The following DAPK2 variants were observed in gnomAD, a reference collection of about 807,000 sequenced individuals.
The protein encoded by DAPK2 is death-associated protein kinase 2.
Under a neutral mutation model 44.1 loss-of-function variants are expected in DAPK2, and 35 were observed. That is an observed-to-expected ratio of 0.79 (90% confidence interval 0.61 to 1.05). The LOEUF is 1.05. DAPK2 is among the 50% of genes least tolerant of loss of function. DAPK2 has a pLI of 0.00. For synonymous variants in DAPK2, 174 were observed against 182.6 expected (o/e 0.95, Z 0.38); for missense variants, 453 against 483.2 (o/e 0.94, Z 0.59).
chr15:64,032,768 T>C (rs534063032), intron 1 of DAPK2, among the ~76,000 whole-genome samples: 2 of 151,800 alleles, frequency 1.3e-5, no homozygotes, highest in East Asian at 1.9e-4. Flanking sequence ...CTGGGTAACA[T>C]GGCGAAACCC....
chr15:63,996,047 G>A (rs2078942747), intron 1 of DAPK2, among the ~76,000 whole-genome samples: 2 of 152,186 alleles, frequency 1.3e-5, no homozygotes, highest in South Asian at 4.1e-4. Context: ...CAACTATGAT[G>A]ACCTAGATGT....
intron 8 of DAPK2, chr15:63,924,483 G>C (rs538052631): frequency 4.3e-6 from 1 of 232,966 alleles, no homozygotes. Context: ...GGGGAGTCCT[G>C]ATTTCCACTT....
chr15:64,040,245 A>T (rs1567292867), exon 1 of DAPK2: 1 of 1,613,884 alleles, frequency 6.2e-7, no homozygotes, highest in Non-Finnish European at 8.5e-7. Flanking sequence ...TGGACTCCTC[A>T]TTGAGGCCTG....
Position 63,923,420 on chromosome 15 carries a change from A to G in DAPK2, c.858+1396T>C, listed in dbSNP as rs934273948. The G allele has an allele frequency of 6.8e-7, 1 of 1,480,446 alleles. No individual in the cohort carries two copies. Among genetic ancestry groups the G allele is most frequent in the African/African-American group, 1.4e-5 (1 of 71,402 alleles). The allele number at this position is 1,480,446 out of a possible 1,614,324, so 91.7% of individuals were successfully genotyped here. ...AGAGGGCAGTCCAAAGGGTAGGCAG[A>G]AGGCACACAAGCGGCCTCTGGCATT... On this transcript the variant is annotated intron_variant, in intron 8 of 10. Transcript: ENST00000261891. The surrounding 1 kb of genome is among the most constrained non-coding windows in gnomAD (Gnocchi z 4.2).
At chr15:64,009,773 T>C (rs969221183) in intron 1 of DAPK2, among the ~76,000 whole-genome samples, 1 of 152,020 alleles carries the variant, frequency 6.6e-6, no homozygotes, top group African/African-American at 2.4e-5. Flanking sequence ...GCCCCTAAAT[T>C]AGGTTAATCT....
chr15:63,994,429 G>GGAAGGAAT (rs1489123641), intron 1 of DAPK2, among the ~76,000 whole-genome samples: 1 of 84,330 alleles, frequency 1.2e-5, no homozygotes, highest in African/African-American at 5.4e-5. Flanking sequence ...AAGGAAGGAA[G>GGAAGGAAT]GAAGGAAGGA....
chr15:63,980,280 C>T lies in DAPK2; in HGVS notation c.314+3253G>A, dbSNP rs1421493445. 6.6e-6 allele frequency among the ~76,000 whole-genome samples: 1 copy of T among 152,106 alleles called. No individual in the cohort carries two copies. Among genetic ancestry groups the T allele is most frequent in the Non-Finnish European group, 1.5e-5 (1 of 67,996 alleles). On this transcript the variant is annotated intron_variant, in intron 2 of 10. Coordinates refer to ENST00000261891, the Ensembl canonical transcript of DAPK2. This position sits in a 1 kb window ranked among gnomAD's most constrained non-coding sequence, Gnocchi z 4.3. ...CAGACATCTCAAGAGCATTTACCTGCCACATCCCCGCCACCGACTCCTAGG... is the reference window on the plus strand; with the variant it reads ...CAGACATCTCAAGAGCATTTACCTGTCACATCCCCGCCACCGACTCCTAGG...
intron 6 of DAPK2, 150 bp downstream of exon 7, chr15:63,929,401 A>C (rs2079442445): frequency 9.4e-6 from 9 of 952,712 alleles, no homozygotes; most frequent in South Asian, 1.6e-5. Context: ...GACCTACAGC[A>C]CTTAGCCTCA....
At position 63,908,477 on chromosome 15, in the gene DAPK2, G is replaced by C. The variant is rs372542107; in HGVS notation, c.*43C>G. The C allele has an allele frequency of 1.4e-6, 2 of 1,419,190 alleles. No individual in the cohort carries two copies. The highest frequency in any genetic ancestry group is 4.6e-5 in the Admixed American group (2 of 43,956). The allele number at this position is 1,419,190 out of a possible 1,614,324, so 87.9% of individuals were successfully genotyped here. ...AAAAGTCTGCACAGAAGGGAGCCCCGCTGGGCCCAGACCTCCCTGGCGGCC... is the reference window on the plus strand; with the variant it reads ...AAAAGTCTGCACAGAAGGGAGCCCCCCTGGGCCCAGACCTCCCTGGCGGCC... On this transcript the variant is annotated 3_prime_UTR_variant, in exon 11 of 11. Transcript: ENST00000261891. This position sits in a 1 kb window ranked among gnomAD's most constrained non-coding sequence, Gnocchi z 5.7.
intron 3 of DAPK2, among the ~76,000 whole-genome samples, chr15:63,965,727 C>T (rs574258400): frequency 4.6e-5 from 7 of 152,338 alleles, no homozygotes; most frequent in Non-Finnish European, 8.8e-5. Flanking sequence ...CCCCCCATGG[C>T]CCCCACTGCC....
chr15:63,938,662 A>G (rs2077226626), intron 4 of DAPK2, among the ~76,000 whole-genome samples: 2 of 152,148 alleles, frequency 1.3e-5, no homozygotes, highest in Admixed American at 1.3e-4. Context: ...CCCAAGCCCT[A>G]TAAGGAGGCT....
chr15:64,011,229 T>G (rs2079381433), intron 1 of DAPK2, among the ~76,000 whole-genome samples: 1 of 152,184 alleles, frequency 6.6e-6, no homozygotes, highest in Admixed American at 6.5e-5. Flanking sequence ...AGTCACCTCT[T>G]GCCTGTGAGC....
intron 1 of DAPK2, among the ~76,000 whole-genome samples, chr15:64,000,807 G>A (rs759194932): frequency 3.9e-5 from 6 of 152,034 alleles, no homozygotes; most frequent in African/African-American, 7.3e-5. Context: ...TCTGATGAGT[G>A]TAAAATGAAG....
At chr15:64,031,543 T>C (rs1235063994) in intron 1 of DAPK2, among the ~76,000 whole-genome samples, 2 of 152,170 alleles carry the variant, frequency 1.3e-5, no homozygotes, top group Non-Finnish European at 2.9e-5. Flanking sequence ...CAACAGTAGA[T>C]TCTTAACATA....
At chr15:63,948,270 CAAAAAAAAAAAAAA>C (rs3056984) in intron 3 of DAPK2, among the ~76,000 whole-genome samples, 10 of 51,922 alleles carry the variant, frequency 1.9e-4, no homozygotes, top group African/African-American at 2.5e-4. Context: ...GACTCCATCT[CAAAAAAAAAAAAAA>C]AAAAAAAAAA....
At chr15:63,991,324 C>G (rs1190285854) in intron 1 of DAPK2, 1 of 456,260 alleles carries the variant, frequency 2.2e-6, no homozygotes, top group East Asian at 6.9e-5. Flanking sequence ...GGTGGAGAGT[C>G]TGGAACAACA....
intron 8 of DAPK2, among the ~76,000 whole-genome samples, chr15:63,914,050 T>C (rs1339816095): frequency 1.3e-5 from 2 of 152,214 alleles, no homozygotes; most frequent in African/African-American, 4.8e-5. Flanking sequence ...GTCATTTCCC[T>C]GAGCTGTTGG....
chr15:64,036,673 G>A (rs986862755), intron 1 of DAPK2, among the ~76,000 whole-genome samples: 1 of 151,990 alleles, frequency 6.6e-6, no homozygotes, highest in Non-Finnish European at 1.5e-5. Flanking sequence ...GTAACAAACT[G>A]TTGTTCATTT....
intron 1 of DAPK2, among the ~76,000 whole-genome samples, chr15:64,037,492 CA>C (rs1204374541): frequency 3.9e-5 from 6 of 152,222 alleles, no homozygotes; most frequent in African/African-American, 1.4e-4. Flanking sequence ...TATCCTTTAG[CA>C]TCCACTTGTC....
Sources: gnomAD v4.1 joint callset for allele counts (sites outside exome capture counted in the v4.1 genomes callset) on GRCh38, gnomAD v4.1.1 for gene constraint, Gnocchi (gnomAD v3.1) non-coding constraint, MANE v1.5 for transcripts, NCBI Gene and HGNC (gene_info 2026-07-23, HGNC 2026-07-21) for gene names.